Variants in SYNRG observed in about 807,000 individuals in gnomAD.
The protein encoded by SYNRG is AP1 gamma subunit binding protein 1.
In SYNRG, 37 loss-of-function variants were observed where a neutral mutation model predicts 130.9. The ratio of observed to expected loss-of-function variants is 0.28; its 90% confidence interval spans 0.22 to 0.37. The LOEUF (loss-of-function observed/expected upper bound fraction) is 0.37, where lower values mean the gene tolerates loss of function less well. Ranked by LOEUF, SYNRG falls within the 10% of genes least tolerant of loss-of-function variation. The pLI, the probability that SYNRG is intolerant of heterozygous loss-of-function variation, is 1.00. For synonymous variants in SYNRG, 539 were observed against 568.1 expected, an observed-to-expected ratio of 0.95 and a Z score of 0.73; for missense variants, 1,338 against 1,588.9, an observed-to-expected ratio of 0.84 and a Z score of 2.68.
Position 37,518,837 on chromosome 17 carries a change from TCAGGGAAGCG to T in SYNRG, c.*93_*102del. On this transcript the variant is annotated 3_prime_UTR_variant, in exon 22 of 22. Transcript: ENST00000612223. ...CCCTTGCGGTGTTCTTCATATCGAT[TCAGGGAAGCG>T]AACTGTGCAGTGCTCGCATTCTATT... 6 of 1,486,826 alleles carry T rather than the reference TCAGGGAAGCG, an allele frequency of 4.0e-6. No individual in the cohort carries two copies. Among genetic ancestry groups the T allele is most frequent in the Non-Finnish European group, 5.4e-6 (6 of 1,105,830 alleles). 92.1% of individuals were successfully genotyped at this position (1,486,826 alleles called of 1,614,324 possible).
chr17:37,584,770 A>T lies in SYNRG; in HGVS notation c.478-11T>A, dbSNP rs2061573299. 6.3e-7 allele frequency: 1 copy of T among 1,588,416 alleles called. No individual in the cohort carries two copies. Among genetic ancestry groups the T allele is most frequent in the Non-Finnish European group, 8.6e-7 (1 of 1,157,958 alleles). ...ACTCTTCTCTCCTGTCTAAGAGACA[A>T]CAAATATATGCGTATTTCTTTACTT... On this transcript the variant is annotated splice_polypyrimidine_tract_variant and intron_variant, in intron 5 of 21. Coordinates refer to ENST00000612223, the MANE Select transcript of SYNRG (RefSeq NM_007247.6).
In SYNRG at chr17:37,609,324, C is replaced by T. The variant is rs780543360; in HGVS notation, c.32G>A (p.Gly11Asp). The part of the protein sequence containing the change: MALRPGAGSG[G>D]GGAAGAGAGS... ...CGCGCCAGCTCCCGCGGCCCCGCCG[C>T]CACCAGAACCAGCTCCTGGCCGCAG... The change falls in exon 1 of 22, where the codon GGC (glycine) becomes GAC (aspartate). Residue 11 changes from glycine (G) to aspartate (D), a missense_variant. Gly to Asp is a moderately conservative substitution (Grantham distance 94, BLOSUM62 -1). Around this residue, in one of 3 missense-constraint regions of SYNRG, gnomAD observed 184 missense variants for 217.2 expected, o/e 0.85. Transcript: ENST00000612223. The T allele has an allele frequency of 6.1e-6, 9 of 1,469,342 alleles. No individual in the cohort carries two copies. Among genetic ancestry groups the T allele is most frequent in the Non-Finnish European group, 8.1e-6 (9 of 1,117,118 alleles). 91.0% of individuals were successfully genotyped at this position (1,469,342 alleles called of 1,614,324 possible). A position where few individuals can be genotyped will look rare whatever the true frequency, so the allele number is the denominator to read the frequency against.
intron 21 of SYNRG, among the ~76,000 whole-genome samples, chr17:37,519,701 G>A (rs547954601): frequency 2.0e-5 from 3 of 152,288 alleles, no homozygotes; most frequent in African/African-American, 7.2e-5. Context: ...ATTTCCAGAT[G>A]AACAGGCTTA....
At position 37,542,324 on chromosome 17, in the gene SYNRG, A is replaced by G. The variant is rs778679115; in HGVS notation, c.2850T>C (p.Phe950=). The change falls in exon 15 of 22, where the codon TTT becomes TTC. Residue 950 remains phenylalanine (F), a synonymous_variant. Transcript: ENST00000612223. ...TCTCTGGAAGAGCATCTTCACTTAC[A>G]AAGGTCGTTACTTTGGAGAGAGATG... ...TMTSLSKVTT[F]VSEDALPETT... 1 of 1,614,106 alleles carries G rather than the reference A, an allele frequency of 6.2e-7. No homozygotes were observed. Among genetic ancestry groups the G allele is most frequent in the African/African-American group, 1.3e-5 (1 of 74,932 alleles).
intron 2 of SYNRG, 143 bp from the exon 3 acceptor site, chr17:37,596,487 T>C (rs1203242893): frequency 3.9e-6 from 3 of 775,398 alleles, no homozygotes; most frequent in South Asian, 4.0e-5. Context: ...CAGATGTGAA[T>C]ATGAATTCCA....
intron 11 of SYNRG, among the ~76,000 whole-genome samples, chr17:37,563,989 ACACAC>A (rs1197659167): frequency 6.6e-6 from 1 of 151,750 alleles, no homozygotes; most frequent in African/African-American, 2.4e-5. Flanking sequence ...GATTACAGGC[ACACAC>A]CACCAGGCCT....
At position 37,609,270 on chromosome 17, in the gene SYNRG, C is replaced by T; in HGVS notation, c.77+9G>A. 1 of 1,439,792 alleles carries T rather than the reference C, an allele frequency of 6.9e-7. No homozygotes were observed. Among genetic ancestry groups the T allele is most frequent in the Non-Finnish European group, 9.1e-7 (1 of 1,102,898 alleles). 89.2% of individuals were successfully genotyped at this position (1,439,792 alleles called of 1,614,324 possible). A position where few individuals can be genotyped will look rare whatever the true frequency, so the allele number is the denominator to read the frequency against. ...GCCAGCGGGCTCCCGCCCGGCTCTT[C>T]ACACCTACCCGCCTCCCCCGGCGGA... On this transcript the variant is annotated intron_variant, in intron 1 of 21. Coordinates refer to ENST00000612223, the MANE Select transcript of SYNRG (RefSeq NM_007247.6).
rs954181718 is a variant in SYNRG at position 37,577,362 on chromosome 17, A to T, written c.823+18T>A. On this transcript the variant is annotated intron_variant, in intron 7 of 21. Transcript: ENST00000612223. The stretch of plus-strand genomic sequence containing the variant: ...ATTTGGTTAAACAAGTTTTTTGCTG[A>T]ATGCTTCACGAGCTCACCACTCTCT... The T allele has an allele frequency of 6.2e-7, 1 of 1,609,502 alleles. No individual in the cohort carries two copies. Among genetic ancestry groups the T allele is most frequent in the Admixed American group, 1.7e-5 (1 of 59,648 alleles).
At chr17:37,587,719 C>T (rs993601121) in intron 3 of SYNRG, among the ~76,000 whole-genome samples, 1 of 152,190 alleles carries the variant, frequency 6.6e-6, no homozygotes, top group African/African-American at 2.4e-5. Flanking sequence ...AACAATCACC[C>T]ACATGGGTAA....
At chr17:37,551,323 C>A (rs1319044094) in intron 14 of SYNRG, among the ~76,000 whole-genome samples, 1 of 152,164 alleles carries the variant, frequency 6.6e-6, no homozygotes, top group Non-Finnish European at 1.5e-5. Flanking sequence ...CAGACATCAA[C>A]CCCTTTTAAC....
At chr17:37,527,407 G>A (rs957096815) in intron 19 of SYNRG, among the ~76,000 whole-genome samples, 1 of 152,098 alleles carries the variant, frequency 6.6e-6, no homozygotes, top group Non-Finnish European at 1.5e-5. Flanking sequence ...GAAAGAAGCA[G>A]GCCTTCAGTC....
intron 2 of SYNRG, among the ~76,000 whole-genome samples, chr17:37,598,343 A>G (rs930266086): frequency 7.9e-5 from 12 of 152,238 alleles, no homozygotes; most frequent in Non-Finnish European, 1.0e-4. Flanking sequence ...GATGTTTGGG[A>G]AAAATATTCC....
intron 13 of SYNRG, among the ~76,000 whole-genome samples, chr17:37,559,018 T>C (rs780487977): frequency 1.3e-5 from 2 of 152,224 alleles, no homozygotes; most frequent in East Asian, 1.9e-4. Context: ...TTTTAGCTGA[T>C]GTTCATGAAG....
chr17:37,548,273 C>T (rs151189458), intron 14 of SYNRG, among the ~76,000 whole-genome samples: 2 of 152,274 alleles, frequency 1.3e-5, no homozygotes, highest in Non-Finnish European at 2.9e-5. Context: ...GGAAGCTACA[C>T]TAAGATCTCT....
intron 11 of SYNRG, among the ~76,000 whole-genome samples, chr17:37,562,804 A>G (rs1301698606): frequency 6.6e-6 from 1 of 152,214 alleles, no homozygotes; most frequent in African/African-American, 2.4e-5. Flanking sequence ...TTCACTGTAC[A>G]GAATGTTACA....
intron 11 of SYNRG, among the ~76,000 whole-genome samples, 172 bp from the exon 12 acceptor site, chr17:37,561,761 T>C (rs2059551416): frequency 6.6e-6 from 1 of 151,544 alleles, no homozygotes; most frequent in Non-Finnish European, 1.5e-5. Context: ...AAAAAAACCA[T>C]GTCCTTTTTC....
chr17:37,553,776 T>C lies in SYNRG; in HGVS notation c.1947A>G (p.Thr649=). The C allele has an allele frequency of 6.8e-6, 11 of 1,612,256 alleles. No homozygotes were observed. Among genetic ancestry groups the C allele is most frequent in the Non-Finnish European group, 8.5e-6 (10 of 1,179,654 alleles). The change falls in exon 14 of 22, where the codon ACA becomes ACG. Residue 649 remains threonine (T), a synonymous_variant. Transcript: ENST00000612223. The part of the protein sequence containing the change: ...TSKSVSTPQS[T]GSAATMTALA... ...ATGCTGTCATAGTAGCAGCAGAACC[T>C]GTTGACTGTGGTGTAGAAACTGATT... is the stretch of plus-strand genomic sequence containing the variant.
chr17:37,527,641 CTATT>C (rs985960460), intron 19 of SYNRG, among the ~76,000 whole-genome samples: 6 of 152,220 alleles, frequency 3.9e-5, no homozygotes, highest in East Asian at 3.9e-4. Context: ...CATATAATAA[CTATT>C]TACGCAGCAT....
intron 5 of SYNRG, 66 bp downstream of exon 5, chr17:37,585,259 A>G (rs1293099070): frequency 6.1e-6 from 8 of 1,308,270 alleles, no homozygotes; most frequent in Admixed American, 2.1e-5. Flanking sequence ...AAATCCACTC[A>G]ATGAGTGGGA....
Sources: allele counts gnomAD v4.1 joint callset (sites outside exome capture counted in the v4.1 genomes callset), GRCh38; gene constraint gnomAD v4.1.1; regional missense constraint gnomAD v4.1.1; transcripts MANE v1.5; gene names NCBI Gene and HGNC (gene_info 2026-07-23, HGNC 2026-07-21).